The following BAIAP2L1 variants were observed in gnomAD, a reference collection of about 807,000 sequenced individuals.
BAIAP2L1 encodes the protein BAR/IMD domain containing adaptor protein 2 like 1, also known as BAR/IMD domain-containing adapter protein 2-like 1.
Under a neutral mutation model 66.3 loss-of-function variants are expected in BAIAP2L1, and 35 were observed. That is an observed-to-expected ratio of 0.53 (90% CI 0.40 to 0.70). The LOEUF is 0.70. Ranked by LOEUF, BAIAP2L1 falls within the 30% of genes least tolerant of loss-of-function variation. The probability of loss-of-function intolerance (pLI) is 0.00; values close to 1 mark genes in which losing one functional copy is unlikely to be tolerated. For missense variants in BAIAP2L1, 622 were observed against 656.9 expected (o/e 0.95, Z 0.58); for synonymous variants, 269 against 248.7 (o/e 1.08, Z -0.77).
intron 1 of BAIAP2L1, among the ~76,000 whole-genome samples, chr7:98,391,641 G>A (rs913722464): frequency 5.3e-5 from 8 of 151,304 alleles, no homozygotes; most frequent in Non-Finnish European, 7.4e-5. Flanking sequence ...GAACTTGGGA[G>A]GTGGACGTTG....
At chr7:98,315,634 T>TAATAATAAG in intron 6 of BAIAP2L1, 22 bp from the exon 7 acceptor site, 1 of 1,076,450 alleles carries the variant, frequency 9.3e-7, no homozygotes, top group Non-Finnish European at 1.2e-6. Context: ...AAAATAATAA[T>TAATAATAAG]AATAATAATT....
chr7:98,295,421 T>C (rs1270813609), intron 12 of BAIAP2L1, among the ~76,000 whole-genome samples: 1 of 152,234 alleles, frequency 6.6e-6, no homozygotes, highest in Non-Finnish European at 1.5e-5. Flanking sequence ...CAAAAGTGAC[T>C]TCCTGCGGGG....
intron 1 of BAIAP2L1, among the ~76,000 whole-genome samples, chr7:98,377,031 C>T (rs937743288): frequency 5.9e-5 from 9 of 152,058 alleles, no homozygotes; most frequent in Admixed American, 3.9e-4. Flanking sequence ...TTGAGGTTTC[C>T]CTAAGGAAGA....
At chr7:98,353,658 A>T (rs1208042069) in intron 3 of BAIAP2L1, among the ~76,000 whole-genome samples, 1 of 140,360 alleles carries the variant, frequency 7.1e-6, no homozygotes, top group Non-Finnish European at 1.5e-5. Context: ...ATATATTTTT[A>T]TATATATAAA....
At chr7:98,313,079 T>C (rs1001227679) in intron 7 of BAIAP2L1, among the ~76,000 whole-genome samples, 1 of 151,682 alleles carries the variant, frequency 6.6e-6, no homozygotes, top group African/African-American at 2.4e-5. Flanking sequence ...ATGTCAGTCC[T>C]GGGGAAGGGC....
chr7:98,316,287 G>T (rs192392723), intron 6 of BAIAP2L1, among the ~76,000 whole-genome samples: 123 of 152,092 alleles, frequency 8.1e-4, no homozygotes, highest in African/African-American at 2.8e-3. Context: ...TTTGTAAATT[G>T]CCCAGTCTCG....
intron 12 of BAIAP2L1, 21 bp downstream of exon 12, chr7:98,304,175 C>T (rs758831780): frequency 9.0e-6 from 14 of 1,551,526 alleles, no homozygotes; most frequent in Admixed American, 4.1e-5. Flanking sequence ...ACCCAGGACG[C>T]CCTGCTGCGG....
intron 3 of BAIAP2L1, among the ~76,000 whole-genome samples, chr7:98,353,959 C>T (rs2115688436): frequency 8.0e-6 from 1 of 124,722 alleles, no homozygotes; most frequent in South Asian, 2.9e-4. Context: ...AAGACTCTGT[C>T]TCAATAAAAT....
At chr7:98,388,473 AC>A (rs1188131857) in intron 1 of BAIAP2L1, among the ~76,000 whole-genome samples, 1 of 150,946 alleles carries the variant, frequency 6.6e-6, no homozygotes, top group Non-Finnish European at 1.5e-5. Context: ...AGCCTGAGTG[AC>A]AGGGCGAGAC....
intron 7 of BAIAP2L1, among the ~76,000 whole-genome samples, chr7:98,314,533 AT>A (rs35937832): frequency 0.13 from 19,185 of 152,216 alleles, 1,561 homozygotes; most frequent in South Asian, 0.23. Context: ...AGGAAAGGAA[AT>A]GTGACATGTG....
At chr7:98,344,542 A>G (rs951504496) in intron 3 of BAIAP2L1, among the ~76,000 whole-genome samples, 1 of 152,232 alleles carries the variant, frequency 6.6e-6, no homozygotes, top group Non-Finnish European at 1.5e-5. Flanking sequence ...GGTAAAATGT[A>G]GGTCTGACAG....
chr7:98,307,618 T>A, intron 10 of BAIAP2L1, 71 bp downstream of exon 10: 4 of 1,590,130 alleles, frequency 2.5e-6, no homozygotes, highest in Non-Finnish European at 2.6e-6. Context: ...ACGAAGACAG[T>A]TTGCAGCTTG....
At chr7:98,383,582 C>A (rs1035453715) in intron 1 of BAIAP2L1, among the ~76,000 whole-genome samples, 3 of 151,992 alleles carry the variant, frequency 2.0e-5, no homozygotes, top group African/African-American at 7.2e-5. Context: ...CCACTGCGCC[C>A]GGCCATAACT....
At chr7:98,311,487 G>A (rs912056842) in intron 8 of BAIAP2L1, among the ~76,000 whole-genome samples, 1 of 151,660 alleles carries the variant, frequency 6.6e-6, no homozygotes, top group Non-Finnish European at 1.5e-5. Context: ...CCTACAGTGA[G>A]CCGAGATTGC....
intron 1 of BAIAP2L1, among the ~76,000 whole-genome samples, chr7:98,378,416 C>G (rs564995606): frequency 6.6e-6 from 1 of 152,168 alleles, no homozygotes; most frequent in Non-Finnish European, 1.5e-5. Context: ...TGGGTTTGGG[C>G]TGAGGCACAC....
At chr7:98,341,709 T>C (rs10755865) in intron 3 of BAIAP2L1, among the ~76,000 whole-genome samples, 152,140 of 152,188 alleles carry the variant, frequency 1, 76,046 homozygotes, top group Middle Eastern at 1. Context: ...ATAACAAGCA[T>C]GGGCCTCACA....
chr7:98,331,484 T>TG (rs1554415347), intron 3 of BAIAP2L1, among the ~76,000 whole-genome samples: 2,095 of 142,988 alleles, frequency 0.015, 54 homozygotes, highest in African/African-American at 0.052. Flanking sequence ...TTTTTTTTTT[T>TG]GGAGACAGAC....
intron 13 of BAIAP2L1, 131 bp downstream of exon 13, chr7:98,293,943 C>T (rs2116773096): frequency 1.9e-6 from 2 of 1,076,844 alleles, no homozygotes; most frequent in Admixed American, 2.1e-5. Context: ...GGCTGCACTC[C>T]CCCATGGCTC....
intron 1 of BAIAP2L1, among the ~76,000 whole-genome samples, chr7:98,362,639 TG>T (rs1802297513): frequency 6.6e-6 from 1 of 152,180 alleles, no homozygotes; most frequent in Admixed American, 6.5e-5. Flanking sequence ...CCCGTAACCC[TG>T]GCAGTTCTCA....
Sources: allele counts gnomAD v4.1 joint callset (sites outside exome capture counted in the v4.1 genomes callset), GRCh38; gene constraint gnomAD v4.1.1; transcripts MANE v1.5; gene names NCBI Gene and HGNC (gene_info 2026-07-23, HGNC 2026-07-21).